ARL15: variants seen among roughly 807,000 people sequenced by gnomAD.
ARL15 encodes the protein ADP-ribosylation factor-like protein 15.
Under a neutral mutation model 25.2 loss-of-function variants are expected in ARL15, and 19 were observed. The observed-to-expected ratio is 0.75, with a 90% confidence interval of 0.53 to 1.10. The LOEUF is 1.10. Among genes scored for constraint, ARL15 ranks in the 50% least tolerant of loss-of-function variants. The pLI, the probability that ARL15 is intolerant of heterozygous loss-of-function variation, is 0.00. For missense variants in ARL15, 220 were observed against 246.0 expected, an observed-to-expected ratio of 0.89 and a Z score of 0.71; for synonymous variants, 94 against 86.8, an observed-to-expected ratio of 1.08 and a Z score of -0.46.
At chr5:54,093,464 A>T (rs1461957939) in intron 4 of ARL15, among the ~76,000 whole-genome samples, 1 of 152,162 alleles carries the variant, frequency 6.6e-6, no homozygotes, top group Non-Finnish European at 1.5e-5. Flanking sequence ...TTTGGCACAC[A>T]TTCAGCAATG....
chr5:54,091,523 A>T (rs904077359), intron 4 of ARL15, among the ~76,000 whole-genome samples: 1 of 152,078 alleles, frequency 6.6e-6, no homozygotes, highest in African/African-American at 2.4e-5. Context: ...GGGCATGGGG[A>T]GGAGGAAGAA....
At chr5:54,237,330 C>A (rs1361167227) in intron 1 of ARL15, among the ~76,000 whole-genome samples, 2 of 152,200 alleles carry the variant, frequency 1.3e-5, no homozygotes, top group Non-Finnish European at 2.9e-5. Context: ...GTCCACTAAA[C>A]CTCTTTTTCT....
chr5:54,289,453 T>C (rs904770136), intron 1 of ARL15, among the ~76,000 whole-genome samples: 2 of 152,082 alleles, frequency 1.3e-5, no homozygotes, highest in African/African-American at 2.4e-5. Context: ...AACAATATTA[T>C]AGACAATAAA....
intron 4 of ARL15, among the ~76,000 whole-genome samples, chr5:54,049,752 T>C (rs545004486): frequency 6.6e-6 from 1 of 152,008 alleles, no homozygotes; most frequent in East Asian, 1.9e-4. Flanking sequence ...ATTTTTTTTT[T>C]GTAGAGATGG....
chr5:53,923,922 C>T (rs952146770), intron 4 of ARL15, among the ~76,000 whole-genome samples: 1 of 152,064 alleles, frequency 6.6e-6, no homozygotes, highest in Non-Finnish European at 1.5e-5. Flanking sequence ...CAAGTAAACA[C>T]TGTAAAGTTA....
chr5:54,143,898 T>C (rs1041483333), intron 3 of ARL15, among the ~76,000 whole-genome samples: 4 of 152,066 alleles, frequency 2.6e-5, no homozygotes, highest in Non-Finnish European at 5.9e-5. Flanking sequence ...TTTATTATCA[T>C]GTTTATTCTT....
chr5:54,017,243 CTG>C, intron 4 of ARL15, among the ~76,000 whole-genome samples: 1 of 152,156 alleles, frequency 6.6e-6, no homozygotes, highest in East Asian at 1.9e-4. Flanking sequence ...AATGGTGTGT[CTG>C]TTCACTCACA....
chr5:54,137,333 G>T (rs1288434023), intron 3 of ARL15, among the ~76,000 whole-genome samples: 1 of 152,148 alleles, frequency 6.6e-6, no homozygotes, highest in Non-Finnish European at 1.5e-5. Context: ...TCCCAGCGAT[G>T]CTATGCAAAG....
intron 1 of ARL15, among the ~76,000 whole-genome samples, chr5:54,192,052 T>C (rs2112458886): frequency 6.6e-6 from 1 of 152,294 alleles, no homozygotes; most frequent in East Asian, 1.9e-4. Flanking sequence ...CTGGCCTTCT[T>C]GCAGTTCCTG....
Position 54,053,288 on chromosome 5 carries a change from T to G in ARL15, c.462+59914A>C, listed in dbSNP as rs146523150. On this transcript the variant is annotated intron_variant, in intron 4 of 4. Coordinates refer to ENST00000504924, the MANE Select transcript of ARL15 (RefSeq NM_019087.3). ...AAACAAAGTATAAAATAAATATCCATGAGTCTCTACTGACATAAGTAAATA... is the reference window on the plus strand; with the variant it reads ...AAACAAAGTATAAAATAAATATCCAGGAGTCTCTACTGACATAAGTAAATA... Among the ~76,000 whole-genome samples, 1,289 of 152,188 alleles carry G rather than the reference T, an allele frequency of 8.5e-3. 23 individuals carry two copies. The highest frequency in any genetic ancestry group is 0.03 in the African/African-American group (1,231 of 41,516).
chr5:53,892,299 G>T (rs181991375), intron 4 of ARL15, among the ~76,000 whole-genome samples: 3 of 152,206 alleles, frequency 2.0e-5, no homozygotes. Context: ...GACAACTTTA[G>T]CTCCTTCAAA....
At chr5:54,233,391 A>G (rs1403744423) in intron 1 of ARL15, among the ~76,000 whole-genome samples, 1 of 152,250 alleles carries the variant, frequency 6.6e-6, no homozygotes, top group Non-Finnish European at 1.5e-5. Context: ...CAAGGAAAAC[A>G]ACTGTTAGTA....
At chr5:53,910,674 A>ATATATATATATAG (rs1374904754) in intron 4 of ARL15, among the ~76,000 whole-genome samples, 1 of 87,764 alleles carries the variant, frequency 1.1e-5, no homozygotes, top group Non-Finnish European at 2.1e-5. Flanking sequence ...TATATATATA[A>ATATATATATATAG]AGAAAACGTC....
At chr5:54,262,790 C>CA (rs1186942123) in intron 1 of ARL15, among the ~76,000 whole-genome samples, 3 of 152,088 alleles carry the variant, frequency 2.0e-5, no homozygotes, top group Admixed American at 6.6e-5. Flanking sequence ...TTTTTCCCCA[C>CA]AAAAAATTTC....
At chr5:53,963,805 T>TCACACACACACACACA (rs60458728) in intron 4 of ARL15, among the ~76,000 whole-genome samples, 1 of 143,140 alleles carries the variant, frequency 7.0e-6, no homozygotes. Context: ...TGAAACTCCA[T>TCACACACACACACACA]CACACACACA....
chr5:54,001,983 G>A (rs1748862957), intron 4 of ARL15, among the ~76,000 whole-genome samples: 1 of 152,150 alleles, frequency 6.6e-6, no homozygotes, highest in South Asian at 2.1e-4. Flanking sequence ...CCATACCCAA[G>A]ATAAATGCCA....
At chr5:54,217,895 T>G (rs1333722583) in intron 1 of ARL15, among the ~76,000 whole-genome samples, 3 of 152,278 alleles carry the variant, frequency 2.0e-5, no homozygotes, top group South Asian at 2.1e-4. Flanking sequence ...GTAATGGCTT[T>G]CTTTCAGGCT....
chr5:54,178,695 C>A (rs188510797), intron 1 of ARL15, among the ~76,000 whole-genome samples: 1 of 152,288 alleles, frequency 6.6e-6, no homozygotes, highest in East Asian at 1.9e-4. Flanking sequence ...AAAAAGAAGT[C>A]AATTTCTAGA....
intron 4 of ARL15, among the ~76,000 whole-genome samples, chr5:53,949,139 T>C (rs1746857988): frequency 6.6e-6 from 1 of 152,186 alleles, no homozygotes; most frequent in African/African-American, 2.4e-5. Context: ...GTTAGATAAA[T>C]AAGCCTCAAG....
Sources: allele counts gnomAD v4.1 joint callset (sites outside exome capture counted in the v4.1 genomes callset), GRCh38; gene constraint gnomAD v4.1.1; transcripts MANE v1.5; gene names NCBI Gene and HGNC (gene_info 2026-07-23, HGNC 2026-07-21).